The following METTL15 variants were observed in gnomAD, a reference collection of about 807,000 sequenced individuals.
METTL15 encodes the protein 12S rRNA N(4)-cytidine methyltransferase METTL15.
A neutral mutation model predicts 38.3 loss-of-function variants in METTL15; 34 were observed. That is an observed-to-expected ratio of 0.89 (90% CI 0.68 to 1.18). The LOEUF (loss-of-function observed/expected upper bound fraction) is 1.18, where lower values mean the gene tolerates loss of function less well. METTL15 is among the 50% of genes most tolerant of loss of function. The probability of loss-of-function intolerance (pLI) is 0.00; values close to 1 mark genes in which losing one functional copy is unlikely to be tolerated. For synonymous variants in METTL15, 162 were observed against 170.9 expected, an observed-to-expected ratio of 0.95 and a Z score of 0.41; for missense variants, 438 against 498.4, an observed-to-expected ratio of 0.88 and a Z score of 1.15.
At chr11:28,440,323 TA>T (rs1318902463) in intron 6 of METTL15, among the ~76,000 whole-genome samples, 7 of 152,170 alleles carry the variant, frequency 4.6e-5, no homozygotes, top group African/African-American at 1.7e-4. Context: ...TTTAATAATA[TA>T]AAAATTGCTT....
At chr11:28,281,376 C>T (rs1018017341) in intron 4 of METTL15, among the ~76,000 whole-genome samples, 19 of 152,256 alleles carry the variant, frequency 1.2e-4, no homozygotes, top group Admixed American at 9.8e-4. Context: ...ATGAAGCTGC[C>T]GAAAGTTCTC....
At chr11:28,266,369 C>A (rs1480254994) in intron 4 of METTL15, among the ~76,000 whole-genome samples, 1 of 152,132 alleles carries the variant, frequency 6.6e-6, no homozygotes, top group East Asian at 1.9e-4. Context: ...CCATGGAATA[C>A]TATGCAGCCA....
chr11:28,463,374 G>T (rs1287552078), intron 6 of METTL15, among the ~76,000 whole-genome samples: 1 of 152,018 alleles, frequency 6.6e-6, no homozygotes, highest in African/African-American at 2.4e-5. Context: ...TTAGTCACAA[G>T]AAATCCCCTC....
intron 6 of METTL15, among the ~76,000 whole-genome samples, chr11:28,452,984 T>G (rs1385671269): frequency 2.0e-5 from 3 of 152,214 alleles, no homozygotes; most frequent in Non-Finnish European, 4.4e-5. Flanking sequence ...TTGTCATAGA[T>G]TCTCTAATCT....
chr11:28,435,567 A>T (rs1442632107), intron 6 of METTL15, among the ~76,000 whole-genome samples: 1 of 152,194 alleles, frequency 6.6e-6, no homozygotes, highest in Non-Finnish European at 1.5e-5. Flanking sequence ...ATTGGAAAAT[A>T]TTCCTGCTTC....
chr11:28,265,440 T>C (rs1390770761), intron 4 of METTL15, among the ~76,000 whole-genome samples: 2 of 151,930 alleles, frequency 1.3e-5, no homozygotes, highest in Non-Finnish European at 2.9e-5. Flanking sequence ...AAAACGAAAT[T>C]GTCAGTCCTT....
intron 4 of METTL15, among the ~76,000 whole-genome samples, chr11:28,277,388 C>T (rs1355866707): frequency 6.6e-6 from 1 of 152,094 alleles, no homozygotes; most frequent in Non-Finnish European, 1.5e-5. Flanking sequence ...TAATGAAATA[C>T]TATTTGACCT....
At chr11:28,122,010 CT>C (rs1467367064) in intron 3 of METTL15, 1 of 476,394 alleles carries the variant, frequency 2.1e-6, no homozygotes, top group Non-Finnish European at 2.9e-6. Flanking sequence ...ATGTTGAATT[CT>C]TATATTTGAT....
chr11:28,495,152 A>G (rs976784510), intron 6 of METTL15, among the ~76,000 whole-genome samples: 3 of 152,208 alleles, frequency 2.0e-5, no homozygotes, highest in Non-Finnish European at 4.4e-5. Context: ...TCCAACCCTC[A>G]TGAACATCAG....
At chr11:28,191,195 TA>T (rs993967531) in intron 3 of METTL15, among the ~76,000 whole-genome samples, 12 of 151,614 alleles carry the variant, frequency 7.9e-5, no homozygotes, top group Non-Finnish European at 1.8e-4. Context: ...TTAAAATTTT[TA>T]TTTAAAACCA....
intron 5 of METTL15, among the ~76,000 whole-genome samples, chr11:28,408,391 T>C (rs1300951096): frequency 6.6e-6 from 1 of 152,218 alleles, no homozygotes; most frequent in Non-Finnish European, 1.5e-5. Flanking sequence ...CCTCTGTTTC[T>C]ATTTCAAGCT....
chr11:28,178,066 G>A (rs940620924), intron 3 of METTL15, among the ~76,000 whole-genome samples: 1 of 151,876 alleles, frequency 6.6e-6, no homozygotes, highest in African/African-American at 2.4e-5. Context: ...TTTCCATAGA[G>A]GTTAGAAGTG....
At chr11:28,200,518 T>TA in intron 3 of METTL15, among the ~76,000 whole-genome samples, 1 of 152,332 alleles carries the variant, frequency 6.6e-6, no homozygotes, top group African/African-American at 2.4e-5. Flanking sequence ...TGTTTCTACT[T>TA]AACTGGGTGC....
chr11:28,151,290 C>T (rs1044996163), intron 3 of METTL15, among the ~76,000 whole-genome samples: 1 of 151,774 alleles, frequency 6.6e-6, no homozygotes, highest in African/African-American at 2.4e-5. Flanking sequence ...ATCATGTGCC[C>T]ACCTTCTCAT....
chr11:28,528,854 A>G (rs1454163682), downstream of METTL15, among the ~76,000 whole-genome samples: 4 of 152,200 alleles, frequency 2.6e-5, no homozygotes, highest in African/African-American at 9.7e-5. Context: ...GCCATTCTGA[A>G]GCAGAAATAT....
downstream of METTL15, among the ~76,000 whole-genome samples, chr11:28,334,626 A>T (rs939148523): frequency 2.0e-5 from 3 of 152,106 alleles, no homozygotes; most frequent in Non-Finnish European, 4.4e-5. Flanking sequence ...CCTATATTCT[A>T]AAGAGGCTGG....
intron 5 of METTL15, among the ~76,000 whole-genome samples, chr11:28,391,042 G>A (rs1377623748): frequency 3.9e-5 from 6 of 152,074 alleles, no homozygotes; most frequent in Non-Finnish European, 5.9e-5. Flanking sequence ...TCTGTTATTG[G>A]TGTATAAGAA....
chr11:28,144,259 G>C (rs538318551), intron 3 of METTL15, among the ~76,000 whole-genome samples: 1 of 152,108 alleles, frequency 6.6e-6, no homozygotes, highest in South Asian at 2.1e-4. Context: ...CTGTTCTTTA[G>C]AAAACAACAT....
chr11:28,223,841 A>G (rs1350395971), intron 4 of METTL15, among the ~76,000 whole-genome samples: 1 of 152,114 alleles, frequency 6.6e-6, no homozygotes, highest in Non-Finnish European at 1.5e-5. Context: ...TTTAACTTGC[A>G]GCAATGAGGT....
Sources: allele counts gnomAD v4.1 joint callset (sites outside exome capture counted in the v4.1 genomes callset), GRCh38; gene constraint gnomAD v4.1.1; transcripts MANE v1.5; gene names NCBI Gene and HGNC (gene_info 2026-07-23, HGNC 2026-07-21).